ABCA2: variants seen among roughly 807,000 people sequenced by gnomAD.
The protein encoded by ABCA2 is ATP-binding cassette sub-family A member 2.
A neutral mutation model predicts 262.8 loss-of-function variants in ABCA2; 84 were observed. The observed-to-expected ratio is 0.32, with a 90% CI of 0.27 to 0.38. ABCA2 has a LOEUF of 0.38. Ranked by LOEUF, ABCA2 falls within the 10% of genes least tolerant of loss-of-function variation. The pLI is 1.00. For synonymous variants in ABCA2, 1,696 were observed against 1,502.9 expected, an observed-to-expected ratio of 1.13 and a Z score of -2.97; for missense variants, 2,662 against 3,405.9, an observed-to-expected ratio of 0.78 and a Z score of 5.44.
rs759248916 is a variant in ABCA2, at chr9:137,018,786, G to C, written c.1752C>G (p.Pro584=). ...TGTAGTTGACAATGCTCTCCTCGTCGGGGAAGCCCTTGAAGATGTCCACGC... is the reference window on the plus strand; with the variant it reads ...TGTAGTTGACAATGCTCTCCTCGTCCGGGAAGCCCTTGAAGATGTCCACGC... ...KVSVDIFKGF[P]DEESIVNYTL... is the part of the protein sequence containing the mutation. Residue 584 remains proline, a synonymous_variant, in exon 13 of 49, where the codon CCC becomes CCG. Transcript: ENST00000341511. 6.8e-6 allele frequency: 11 copies of C among 1,612,602 alleles called. No homozygotes were observed. Among genetic ancestry groups the C allele is most frequent in the Non-Finnish European group, 9.3e-6 (11 of 1,179,882 alleles).
chr9:137,011,716 T>C lies in ABCA2; in HGVS notation c.5569A>G (p.Ile1857Val). The C allele has an allele frequency of 6.4e-7, 1 of 1,552,342 alleles. No homozygotes were observed. Residue 1857 changes from isoleucine (I) to valine (V), a missense_variant, in exon 36 of 49, where the codon ATC becomes GTC. This residue lies in a region of ABCA2 where 602 missense variants were observed against 897.4 expected (regional missense o/e 0.67). Transcript: ENST00000341511. This position sits in a 1 kb window ranked among gnomAD's most constrained non-coding sequence, Gnocchi z 8.8. ...NYLVPATCCV[I>V]ILFVFDLPAY... is the part of the protein sequence containing the mutation. ...GGCAGGTCGAACACAAACAGGATGA[T>C]GACACAGCAGGTAGCGGGGACCAGG...
chr9:137,012,306 C>A lies in ABCA2; in HGVS notation c.5258G>T (p.Arg1753Leu). Residue 1753 changes from arginine to leucine, a missense_variant, in exon 33 of 49, where the codon CGT (arginine) becomes CTT (leucine). Arg to Leu is a moderately radical substitution (Grantham distance 102, BLOSUM62 -2). Around this residue, in one of 12 missense-constraint regions of ABCA2, gnomAD observed 602 missense variants for 897.4 expected, o/e 0.67. Transcript: ENST00000341511. ...YLNSLNNAIL[R>L]ANLPKSKGNP... ...GCCCTTGCTCTTGGGCAGGTTGGCA[C>A]GCAGGATGGCGTTGTTGAGGCTGTT... 1 of 1,611,494 alleles carries A rather than the reference C, an allele frequency of 6.2e-7. No individual in the cohort carries two copies.
Position 137,015,077 on chromosome 9 carries a change from G to C in ABCA2, c.3718C>G (p.Pro1240Ala), listed in dbSNP as rs750938065. Residue 1240 changes from proline to alanine, a missense_variant, in exon 25 of 49, where the codon CCC (proline) becomes GCC (alanine). This residue lies in a region of ABCA2 where 297 missense variants were observed against 286.5 expected (regional missense o/e 1.04). Coordinates refer to ENST00000341511, the MANE Select transcript of ABCA2 (RefSeq NM_001606.5). The stretch of plus-strand genomic sequence containing the variant: ...CTGCTCAGCGGGGCCCGACCTGGGG[G>C]GCTGGATGCCAGCCCTGGCTCTGTG... ...GPQEPGLASS[P>A]PGRAPLSSCS... The C allele has an allele frequency of 1.9e-4, 296 of 1,595,162 alleles. No homozygotes were observed. The highest frequency in any genetic ancestry group is 2.5e-4 in the Non-Finnish European group (293 of 1,171,696).
intron 24 of ABCA2, 105 bp from the exon 25 acceptor site, chr9:137,015,202 C>T (rs1028384656): frequency 9.7e-6 from 13 of 1,340,156 alleles, no homozygotes; most frequent in Non-Finnish European, 1.3e-5. Context: ...AGAGGAAGAA[C>T]CAGGCCCCAG....
Position 137,013,616 on chromosome 9 carries a change from C to T in ABCA2, c.4448-53G>A, listed in dbSNP as rs946252919. The T allele has an allele frequency of 2.2e-5, 33 of 1,531,268 alleles. No homozygotes were observed. In the Middle Eastern group the frequency reaches 8.8e-4, roughly 41 times the overall value. 94.9% of individuals were successfully genotyped at this position (1,531,268 alleles called of 1,614,324 possible). A position where few individuals can be genotyped will look rare whatever the true frequency, so the allele number is the denominator to read the frequency against. ...CAGGTTCTGCCCTCTGGCCAGCGGC[C>T]CCCAAGCCTCGGTCCCCTTCCCCCA... On this transcript the variant is annotated intron_variant, in intron 28 of 48. Coordinates refer to ENST00000341511, the MANE Select transcript of ABCA2 (RefSeq NM_001606.5).
In ABCA2 at chr9:137,010,063, G is replaced by A. The variant is rs1033396189; in HGVS notation, c.6415C>T (p.Leu2139=). ...TCCCGGGCCGTGAGCTCGTCGAACA[G>A]CGCGTCACACTGCGGGCAGTAGCCG... ...SLGYCPQCDA[L]FDELTAREHL... The change falls in exon 42 of 49, where the codon CTG becomes TTG. Residue 2139 remains leucine, a synonymous_variant. Coordinates refer to ENST00000341511, the MANE Select transcript of ABCA2 (RefSeq NM_001606.5). 3 of 1,601,292 alleles carry A rather than the reference G, an allele frequency of 1.9e-6. No individual in the cohort carries two copies. The highest frequency in any genetic ancestry group is 3.3e-4 in the Middle Eastern group (2 of 6,078).
chr9:137,008,159 T>C (rs995568518), intron 48 of ABCA2, 195 bp from the exon 49 acceptor site: 4 of 812,356 alleles, frequency 4.9e-6, no homozygotes, highest in Admixed American at 4.5e-5. Flanking sequence ...TCTACATCGG[T>C]CCCCTGTTCC....
chr9:137,013,799 A>C, intron 28 of ABCA2, 33 bp downstream of exon 28: 2 of 1,573,496 alleles, frequency 1.3e-6, no homozygotes, highest in Non-Finnish European at 1.7e-6. Flanking sequence ...GGGGGGAGGC[A>C]AGCCCAGCAC....
chr9:137,010,882 T>TG, intron 39 of ABCA2, 91 bp downstream of exon 39: 1 of 337,660 alleles, frequency 3.0e-6, no homozygotes, highest in Non-Finnish European at 5.2e-6. Context: ...TCCTGCCCCA[T>TG]CCCTGCCCCC....
chr9:137,010,867 C>T, intron 39 of ABCA2, 106 bp downstream of exon 39: 2 of 1,184,776 alleles, frequency 1.7e-6, no homozygotes, highest in African/African-American at 1.6e-5. Flanking sequence ...CCCTGCCTCA[C>T]CCCCTCCTGC....
chr9:137,024,002 C>A, intron 2 of ABCA2, 141 bp downstream of exon 2: 1 of 1,527,032 alleles, frequency 6.5e-7, no homozygotes, highest in Admixed American at 2.0e-5. Context: ...GGAGGCACGG[C>A]CCAGGACCAC....
At chr9:137,023,114 C>T in intron 3 of ABCA2, 62 bp from the exon 4 acceptor site, 2 of 1,265,788 alleles carry the variant, frequency 1.6e-6, no homozygotes, top group African/African-American at 1.5e-5. Flanking sequence ...AGAGAGGAAT[C>T]CAGAAGGGGA....
rs559671085 is a variant in ABCA2, at chr9:137,024,116, G to A, written c.160+27C>T. 8 of 1,592,390 alleles carry A rather than the reference G, an allele frequency of 5.0e-6. No individual in the cohort carries two copies. The South Asian group carries it at 6.8e-5, about 14-fold the overall frequency. Reference sequence around the variant, plus strand: ...TGCGAGGTGCCGCGCTCCCCCGGCTGTGCCTGGGGCCTCCTGCCGCACTCA... The same window carrying A: ...TGCGAGGTGCCGCGCTCCCCCGGCTATGCCTGGGGCCTCCTGCCGCACTCA... On this transcript the variant is annotated intron_variant, in intron 2 of 48. Coordinates refer to ENST00000341511, the MANE Select transcript of ABCA2 (RefSeq NM_001606.5).
chr9:137,028,367 A>T (rs1259802918), upstream of ABCA2: 1 of 753,518 alleles, frequency 1.3e-6, no homozygotes, highest in Non-Finnish European at 1.6e-6. The surrounding 1 kb of genome is among the most constrained non-coding windows in gnomAD (Gnocchi z 6.9). Context: ...CGCGCCCGCC[A>T]GGAGGCGCCC....
At position 137,013,305 on chromosome 9, in the gene ABCA2, G is replaced by A; in HGVS notation, c.4564C>T (p.Pro1522Ser). 6.4e-7 allele frequency: 1 copy of A among 1,556,404 alleles called. No homozygotes were observed. Among genetic ancestry groups the A allele is most frequent in the Non-Finnish European group, 8.6e-7 (1 of 1,157,492 alleles). ...ACGAGCTGCTGGGGGCTGGCGTCGGGCGATAGCCGCAGCCTGCGGGCACCG... is the reference window on the plus strand; with the variant it reads ...ACGAGCTGCTGGGGGCTGGCGTCGGACGATAGCCGCAGCCTGCGGGCACCG... ...ERREYRLRLS[P>S]DASPQQLVST... Residue 1522 changes from proline to serine, a missense_variant, in exon 30 of 49, where the codon CCC (proline) becomes TCC (serine). Physicochemically the swap from Pro to Ser is moderately conservative, Grantham distance 74. Around this residue, in one of 12 missense-constraint regions of ABCA2, gnomAD observed 192 missense variants for 207.2 expected, o/e 0.93. Coordinates refer to ENST00000341511, the MANE Select transcript of ABCA2 (RefSeq NM_001606.5).
At position 137,019,426 on chromosome 9, in the gene ABCA2, T is replaced by TC; in HGVS notation, c.1426-121_1426-120insG. The TC allele has an allele frequency of 1.8e-6, 1 of 541,068 alleles. No individual in the cohort carries two copies. Among genetic ancestry groups the TC allele is most frequent in the Non-Finnish European group, 2.5e-6 (1 of 398,094 alleles). The allele number at this position is 541,068 out of a possible 1,614,324, so 33.5% of individuals were successfully genotyped here. A position where few individuals can be genotyped will look rare whatever the true frequency, so the allele number is the denominator to read the frequency against. ...TGCCAACAACTAACCCTCCCCACCT[T>TC]TTTTTTTTTTTTTTTCCTGAGACAG... On this transcript the variant is annotated intron_variant, in intron 10 of 48. Transcript: ENST00000341511. The surrounding 1 kb of genome is among the most constrained non-coding windows in gnomAD (Gnocchi z 4.4).
In ABCA2 at chr9:137,018,045, A is replaced by G. The variant is rs1285515284; in HGVS notation, c.2024T>C (p.Phe675Ser). Residue 675 changes from phenylalanine (F) to serine (S), a missense_variant, in exon 15 of 49, where the codon TTT becomes TCT. Physicochemically the swap from Phe to Ser is radical, Grantham distance 155. This residue lies in a region of ABCA2 where 188 missense variants were observed against 343.4 expected (regional missense o/e 0.55). Coordinates refer to ENST00000341511, the MANE Select transcript of ABCA2 (RefSeq NM_001606.5). ...TGGCTCCACCACATCGTGCCCCACA[A>G]AAGTGTCGATGATGGCGCGCTCCAT... ...DMMERAIIDT[F>S]VGHDVVEPGS... 3.1e-6 allele frequency: 5 copies of G among 1,612,526 alleles called. No homozygotes were observed. The African/African-American group carries it at 5.3e-5, about 17-fold the overall frequency.
rs1831411546 is a variant in ABCA2 at position 137,020,474 on chromosome 9, C to T, written c.1287G>A (p.Leu429=). 6.2e-7 allele frequency: 1 copy of T among 1,603,506 alleles called. No individual in the cohort carries two copies. Among genetic ancestry groups the T allele is most frequent in the Non-Finnish European group, 8.5e-7 (1 of 1,175,208 alleles). ...CCAGGGAGCTCATGTTGCCCCGCCG[C>T]AGCGCCTCGGGTTCAATGGTGCTGG... is the stretch of plus-strand genomic sequence containing the variant. ...GNNRTIEPEA[L]RRGNMSSLGF... is the part of the protein sequence containing the mutation. The change falls in exon 10 of 49, where the codon CTG becomes CTA. Residue 429 remains leucine (L), a synonymous_variant. Transcript: ENST00000341511.
Position 137,011,303 on chromosome 9 carries a change from T to G in ABCA2, c.5806A>C (p.Lys1936Gln). Reference sequence around the variant, plus strand: ...CTTTTCAGGTAACTGTTGACAACCTTCAGGTCCTGCGGGGTGGCCGGGGTC... The same window carrying G: ...CTTTTCAGGTAACTGTTGACAACCTGCAGGTCCTGCGGGGTGGCCGGGGTC... ...LQLFEHDKDL[K>Q]VVNSYLKSCF... Residue 1936 changes from lysine to glutamine, a missense_variant, in exon 38 of 49, where the codon AAG (lysine) becomes CAG (glutamine). Physicochemically the swap from Lys to Gln is moderately conservative, Grantham distance 53. Coordinates refer to ENST00000341511, the MANE Select transcript of ABCA2 (RefSeq NM_001606.5). This position sits in a 1 kb window ranked among gnomAD's most constrained non-coding sequence, Gnocchi z 8.8. The G allele has an allele frequency of 6.2e-7, 1 of 1,611,812 alleles. No individual in the cohort carries two copies. The highest frequency in any genetic ancestry group is 1.1e-5 in the South Asian group (1 of 91,048).
Sources: gnomAD v4.1 joint callset for allele counts on GRCh38, gnomAD v4.1.1 for gene constraint, gnomAD v4.1.1 regional missense constraint, Gnocchi (gnomAD v3.1) non-coding constraint, MANE v1.5 for transcripts, NCBI Gene and HGNC (gene_info 2026-07-23, HGNC 2026-07-21) for gene names.